MALRD1: variants seen among roughly 807,000 people sequenced by gnomAD.
MALRD1 encodes the protein MAM and LDL-receptor class A domain-containing protein 1.
Under a neutral mutation model 242.1 loss-of-function variants are expected in MALRD1, and 247 were observed. That is an observed-to-expected ratio of 1.02 (90% CI 0.92 to 1.13). MALRD1 has a LOEUF of 1.13. Ranked by LOEUF, MALRD1 falls within the 50% of genes most tolerant of loss-of-function variation. The pLI, the probability that MALRD1 is intolerant of heterozygous loss-of-function variation, is 0.00. For missense variants in MALRD1, 2,989 were observed against 2,533.1 expected (o/e 1.18, Z -3.86); for synonymous variants, 995 against 866.6 (o/e 1.15, Z -2.60).
chr10:19,144,712 G>C (rs1246311451), intron 10 of MALRD1, among the ~76,000 whole-genome samples: 2 of 152,166 alleles, frequency 1.3e-5, no homozygotes, highest in Admixed American at 1.3e-4. Context: ...TGAGCTTTTG[G>C]TGTCAGACAG....
rs763571405 is a variant in MALRD1 at position 19,124,548 on chromosome 10, T to G, written c.821T>G (p.Phe274Cys). The change falls in exon 7 of 40, where the codon TTT becomes TGT. Residue 274 changes from phenylalanine to cysteine, a missense_variant. Phe to Cys is a radical substitution (Grantham distance 205). Coordinates refer to ENST00000454679, the MANE Select transcript of MALRD1 (RefSeq NM_001142308.3). ...LRLCQACGFE[F>C]DMCEWTSEAS... ...GTGTGTCAGGCCTGTGGGTTTGAAT[T>G]TGACATGTGTGAGTGGACGTCAGAA... The G allele has an allele frequency of 2.1e-4, 253 of 1,233,728 alleles. 2 individuals are homozygous for G. Among genetic ancestry groups the G allele is most frequent in the Non-Finnish European group, 2.5e-4 (248 of 988,112 alleles). 76.4% of individuals were successfully genotyped at this position (1,233,728 alleles called of 1,614,324 possible).
At chr10:19,207,908 C>T (rs1322200989) in intron 17 of MALRD1, among the ~76,000 whole-genome samples, 1 of 152,108 alleles carries the variant, frequency 6.6e-6, no homozygotes. Flanking sequence ...CACTTTGGTG[C>T]CATTATTAAG....
intron 18 of MALRD1, among the ~76,000 whole-genome samples, chr10:19,242,761 CATTTGTTTGCATAAAATAT>C (rs2131750468): frequency 6.6e-6 from 1 of 151,994 alleles, no homozygotes; most frequent in South Asian, 2.1e-4. Flanking sequence ...GCTTGCTTTT[CATTTGTTTGCATAAAATAT>C]ATTTTTCCAT....
At chr10:19,684,148 T>C (rs985691821) in intron 36 of MALRD1, among the ~76,000 whole-genome samples, 1 of 152,156 alleles carries the variant, frequency 6.6e-6, no homozygotes, top group Non-Finnish European at 1.5e-5. Context: ...ATTTTAACTT[T>C]AGTGAAGCAA....
chr10:19,400,956 C>T (rs927187959), intron 28 of MALRD1, among the ~76,000 whole-genome samples: 3 of 152,006 alleles, frequency 2.0e-5, no homozygotes, highest in African/African-American at 7.2e-5. Flanking sequence ...GTGGAGGTTG[C>T]AGTGAGCCAA....
intron 18 of MALRD1, among the ~76,000 whole-genome samples, chr10:19,217,349 T>C (rs891492200): frequency 6.6e-6 from 1 of 152,134 alleles, no homozygotes; most frequent in Admixed American, 6.5e-5. Flanking sequence ...TGGGAAGACT[T>C]CTGCATCCTG....
intron 38 of MALRD1, among the ~76,000 whole-genome samples, chr10:19,693,002 A>T (rs1046737745): frequency 2.2e-4 from 34 of 151,850 alleles, no homozygotes; most frequent in Non-Finnish European, 4.6e-4. Flanking sequence ...GATACAGAAA[A>T]GGCCTTCGAC....
intron 20 of MALRD1, among the ~76,000 whole-genome samples, chr10:19,282,036 A>G (rs1310092545): frequency 6.6e-6 from 1 of 152,044 alleles, no homozygotes; most frequent in East Asian, 1.9e-4. Flanking sequence ...TAAGGGTACA[A>G]TACATTATGG....
intron 28 of MALRD1, among the ~76,000 whole-genome samples, chr10:19,423,042 T>C (rs1833773226): frequency 6.6e-6 from 1 of 152,226 alleles, no homozygotes; most frequent in Admixed American, 6.5e-5. Context: ...TGTCCTATGC[T>C]GTCAGGTTGG....
rs1344177366 is a variant in MALRD1 at position 19,209,252 on chromosome 10, T to A, written c.2579-16T>A. On this transcript the variant is annotated splice_polypyrimidine_tract_variant and intron_variant, in intron 17 of 39. Transcript: ENST00000454679. ...GTCCCTAATTATCTTTTGCTTTTATTTCATGTGAATTTCAGCACCTGAGCT... is the reference window on the plus strand; with the variant it reads ...GTCCCTAATTATCTTTTGCTTTTATATCATGTGAATTTCAGCACCTGAGCT... The A allele has an allele frequency of 1.3e-6, 2 of 1,490,250 alleles. No individual in the cohort carries two copies. The highest frequency in any genetic ancestry group is 1.4e-5 in the South Asian group (1 of 73,322). 92.3% of individuals were successfully genotyped at this position (1,490,250 alleles called of 1,614,324 possible).
At chr10:19,203,083 T>A (rs1836620816) in intron 14 of MALRD1, among the ~76,000 whole-genome samples, 1 of 152,168 alleles carries the variant, frequency 6.6e-6, no homozygotes, top group Non-Finnish European at 1.5e-5. Context: ...ATTACTAACA[T>A]TATGATTTCC....
chr10:19,199,647 A>T (rs1042529712), intron 14 of MALRD1, among the ~76,000 whole-genome samples: 1 of 152,056 alleles, frequency 6.6e-6, no homozygotes, highest in Non-Finnish European at 1.5e-5. Context: ...CTAAAAATAC[A>T]AACAGTAGCT....
intron 10 of MALRD1, among the ~76,000 whole-genome samples, chr10:19,144,955 G>T (rs1359783434): frequency 6.6e-6 from 1 of 152,016 alleles, no homozygotes; most frequent in African/African-American, 2.4e-5. Flanking sequence ...CAAAACTATG[G>T]GTGTTTTCTG....
At position 19,347,926 on chromosome 10, in the gene MALRD1, T is replaced by C; in HGVS notation, c.4057T>C (p.Tyr1353His). ...CACTTTGGGAAATTCATCTGGTCAT[T>C]ACATCTTTATAAAGAGTTTGTTTCC... ...DHTLGNSSGH[Y>H]IFIKSLFPQQ... Residue 1353 changes from tyrosine (Y) to histidine (H), a missense_variant, in exon 25 of 40, where the codon TAC becomes CAC. Coordinates refer to ENST00000454679, the MANE Select transcript of MALRD1 (RefSeq NM_001142308.3). 1 of 1,550,318 alleles carries C rather than the reference T, an allele frequency of 6.5e-7. No individual in the cohort carries two copies. Among genetic ancestry groups the C allele is most frequent in the Non-Finnish European group, 8.7e-7 (1 of 1,146,822 alleles).
intron 29 of MALRD1, among the ~76,000 whole-genome samples, chr10:19,470,277 C>T (rs1238452007): frequency 6.6e-6 from 1 of 151,970 alleles, no homozygotes; most frequent in Non-Finnish European, 1.5e-5. Flanking sequence ...TCAGGATTCC[C>T]TTCATTTTTC....
rs1228579086 is a variant in MALRD1, at chr10:19,209,338, T to C, written c.2649T>C (p.Asp883=). The C allele has an allele frequency of 1.3e-6, 2 of 1,550,456 alleles. No homozygotes were observed. The highest frequency in any genetic ancestry group is 4.9e-5 in the East Asian group (2 of 40,908). ...NWEQDAKDDF[D]WTRSQGPTPT... is the part of the protein sequence containing the mutation. ...AACAAGATGCAAAAGATGACTTTGA[T>C]TGGACCAGGAGCCAGGGTCCAACTC... is the stretch of plus-strand genomic sequence containing the variant. Residue 883 remains aspartate (D), a synonymous_variant, in exon 18 of 40, where the codon GAT becomes GAC. Coordinates refer to ENST00000454679, the MANE Select transcript of MALRD1 (RefSeq NM_001142308.3).
chr10:19,496,001 A>C (rs1244004755), intron 30 of MALRD1, among the ~76,000 whole-genome samples: 1 of 152,226 alleles, frequency 6.6e-6, no homozygotes, highest in African/African-American at 2.4e-5. Context: ...TAAAGGATTC[A>C]ATTCAACAAG....
chr10:19,598,768 A>T (rs961902261), intron 34 of MALRD1, among the ~76,000 whole-genome samples: 1 of 151,608 alleles, frequency 6.6e-6, no homozygotes, highest in African/African-American at 2.4e-5. Flanking sequence ...AAGAGAGAGG[A>T]TAGAGATAAA....
intron 33 of MALRD1, among the ~76,000 whole-genome samples, chr10:19,586,784 C>T (rs2131530084): frequency 6.6e-6 from 1 of 152,338 alleles, no homozygotes; most frequent in South Asian, 2.1e-4. Context: ...GCTTTGTTTA[C>T]CTAAGCAAGC....
Sources: gnomAD v4.1 joint callset for allele counts (sites outside exome capture counted in the v4.1 genomes callset) on GRCh38, gnomAD v4.1.1 for gene constraint, MANE v1.5 for transcripts, NCBI Gene and HGNC (gene_info 2026-07-23, HGNC 2026-07-21) for gene names.